Variants in LINGO2 observed in about 807,000 individuals in gnomAD.
The protein encoded by LINGO2 is leucine rich repeat and Ig domain containing 2, also known as leucine-rich repeat and immunoglobulin-like domain-containing nogo receptor-interacting protein 2.
LINGO2 carries 14 observed loss-of-function variants against 30.6 expected under a neutral mutation model. That is an observed-to-expected ratio of 0.46 (90% CI 0.30 to 0.72). The LOEUF (loss-of-function observed/expected upper bound fraction) is 0.72. LINGO2 is among the 30% of genes least tolerant of loss of function. The probability of loss-of-function intolerance (pLI) is 0.07; values close to 1 mark genes in which losing one functional copy is unlikely to be tolerated. For synonymous variants in LINGO2, 317 were observed against 288.5 expected (o/e 1.10, Z -1.00); for missense variants, 729 against 751.7 (o/e 0.97, Z 0.35).
rs1279785343 is a variant in LINGO2, at chr9:27,981,551, GA to G, written c.-36+30803del. On this transcript the variant is annotated intron_variant, in intron 5 of 5. Transcript: ENST00000379992. Reference sequence around the variant, plus strand: ...GAGGATGGCAAAAAAAAAAAAAAAAGAAAAAAAAGAAAAAAAAAGAAAAAAA... The same window carrying G: ...GAGGATGGCAAAAAAAAAAAAAAAAGAAAAAAAGAAAAAAAAAGAAAAAAA... Among the ~76,000 whole-genome samples, 250 of 87,162 alleles carry G rather than the reference GA, an allele frequency of 2.9e-3. 6 individuals carry two copies. Among genetic ancestry groups the G allele is most frequent in the African/African-American group, 0.01 (244 of 23,928 alleles). The allele number at this position is 87,162 out of a possible 152,430, so 57.2% of individuals were successfully genotyped here.
chr9:28,277,853 A>AC (rs912497625), intron 4 of LINGO2, among the ~76,000 whole-genome samples: 129 of 151,548 alleles, frequency 8.5e-4, no homozygotes, highest in Non-Finnish European at 1.3e-3. Context: ...AAAAAAACAA[A>AC]AAAAAAAACA....
the LINGO2 span, among the ~76,000 whole-genome samples, chr9:28,685,960 T>A: frequency 6.7e-6 from 1 of 149,898 alleles, no homozygotes; most frequent in African/African-American, 2.5e-5. Flanking sequence ...TGATTTCTTT[T>A]ATATATAACA....
downstream of LINGO2, among the ~76,000 whole-genome samples, chr9:27,945,761 T>C (rs1205658505): frequency 6.6e-6 from 1 of 152,082 alleles, no homozygotes; most frequent in Non-Finnish European, 1.5e-5. Flanking sequence ...AGCACCAGCG[T>C]TTCACTCAAT....
the LINGO2 span, chr9:28,863,673 T>C: frequency 1.9e-6 from 1 of 532,470 alleles, no homozygotes; most frequent in East Asian, 5.5e-5. Flanking sequence ...TTAGCTTAGA[T>C]ATGGTGATTC....
At chr9:28,941,748 G>T in the LINGO2 span, among the ~76,000 whole-genome samples, 2 of 152,130 alleles carry the variant, frequency 1.3e-5, no homozygotes, top group South Asian at 4.2e-4. Context: ...TAATTTTGGG[G>T]TTACTATATA....
chr9:28,878,927 C>T, the LINGO2 span, among the ~76,000 whole-genome samples: 9 of 152,120 alleles, frequency 5.9e-5, no homozygotes, highest in African/African-American at 2.2e-4. Flanking sequence ...AAAACTGGCA[C>T]AAGACAGGGA....
At chr9:28,214,671 C>A (rs188614551) in intron 4 of LINGO2, among the ~76,000 whole-genome samples, 2 of 151,560 alleles carry the variant, frequency 1.3e-5, no homozygotes, top group East Asian at 3.9e-4. Flanking sequence ...GTGTCATCTA[C>A]TAATGTAGCT....
chr9:28,949,852 G>T, the LINGO2 span, among the ~76,000 whole-genome samples: 1 of 152,022 alleles, frequency 6.6e-6, no homozygotes, highest in Non-Finnish European at 1.5e-5. Flanking sequence ...CAGGGATATT[G>T]TTCATCAATA....
At chr9:28,346,670 T>C (rs1163964417) in intron 3 of LINGO2, among the ~76,000 whole-genome samples, 1 of 152,194 alleles carries the variant, frequency 6.6e-6, no homozygotes, top group Non-Finnish European at 1.5e-5. Flanking sequence ...GTATAAGCAT[T>C]CCCTTTTCTC....
intron 4 of LINGO2, among the ~76,000 whole-genome samples, chr9:28,120,876 T>C (rs1447964610): frequency 6.6e-6 from 1 of 152,090 alleles, no homozygotes; most frequent in East Asian, 1.9e-4. Context: ...CACGACAGTG[T>C]TGCTTTAAGT....
the LINGO2 span, among the ~76,000 whole-genome samples, chr9:28,884,958 ATTTT>A: frequency 1.0e-4 from 2 of 19,726 alleles, no homozygotes; most frequent in African/African-American, 1.4e-4. Flanking sequence ...AATATATAAT[ATTTT>A]ATATATATAA....
At chr9:28,046,670 C>A (rs1361292836) in intron 4 of LINGO2, among the ~76,000 whole-genome samples, 1 of 152,086 alleles carries the variant, frequency 6.6e-6, no homozygotes, top group African/African-American at 2.4e-5. Flanking sequence ...CATAGTAGCT[C>A]TTAAAATGTC....
At chr9:27,960,745 T>C (rs1310563847) in intron 5 of LINGO2, among the ~76,000 whole-genome samples, 2 of 151,952 alleles carry the variant, frequency 1.3e-5, no homozygotes, top group African/African-American at 4.8e-5. Flanking sequence ...GTTATACTGC[T>C]TAGTCCATTT....
rs372240738 is a variant in LINGO2 at position 28,550,710 on chromosome 9, T to C, written c.-364-74685A>G. Among the ~76,000 whole-genome samples, 891 of 151,858 alleles carry C rather than the reference T, an allele frequency of 5.9e-3. 3 individuals carry two copies. Among genetic ancestry groups the C allele is most frequent in the Admixed American group, 0.012 (188 of 15,242 alleles). On this transcript the variant is annotated intron_variant, in intron 1 of 5. Coordinates refer to ENST00000379992, the Ensembl canonical transcript of LINGO2. ...AAATTACCATTTAATATTTTTGCTT[T>C]CATAAAATAGAATAGTAAACACCAG...
the LINGO2 span, among the ~76,000 whole-genome samples, chr9:29,008,630 G>C: frequency 6.6e-6 from 1 of 152,156 alleles, no homozygotes; most frequent in Admixed American, 6.5e-5. Context: ...TAACTGGTGA[G>C]AGATGGCATC....
chr9:28,421,474 C>A (rs1428096788), intron 2 of LINGO2, among the ~76,000 whole-genome samples: 1 of 144,644 alleles, frequency 6.9e-6, no homozygotes, highest in Non-Finnish European at 1.5e-5. Flanking sequence ...CAACAAATAG[C>A]CAAAAACGTC....
chr9:28,628,492 T>C (rs945723533), intron 1 of LINGO2, among the ~76,000 whole-genome samples: 10 of 152,120 alleles, frequency 6.6e-5, no homozygotes, highest in Non-Finnish European at 1.5e-5. Context: ...CAGAGAAGGT[T>C]CCTCAGTACT....
chr9:28,160,172 G>A (rs1469204377), intron 4 of LINGO2, among the ~76,000 whole-genome samples: 1 of 152,154 alleles, frequency 6.6e-6, no homozygotes, highest in Non-Finnish European at 1.5e-5. Context: ...TGTTCTGCTA[G>A]ATAAGAGAGA....
intron 4 of LINGO2, among the ~76,000 whole-genome samples, chr9:28,102,246 A>G (rs1255056770): frequency 6.6e-6 from 1 of 152,022 alleles, no homozygotes; most frequent in Non-Finnish European, 1.5e-5. Flanking sequence ...TTTAAACAGT[A>G]TATACGCTTG....
Sources: gnomAD v4.1 joint callset for allele counts (sites outside exome capture counted in the v4.1 genomes callset) on GRCh38, gnomAD v4.1.1 for gene constraint, MANE v1.5 for transcripts, NCBI Gene and HGNC (gene_info 2026-07-23, HGNC 2026-07-21) for gene names.